Variants in GPR155 observed in about 807,000 individuals in gnomAD.
GPR155 encodes the protein lysosomal cholesterol signaling protein.
Under a neutral mutation model 93.1 loss-of-function variants are expected in GPR155, and 65 were observed. The observed-to-expected ratio is 0.70, with a 90% CI of 0.57 to 0.86. The LOEUF (loss-of-function observed/expected upper bound fraction) is 0.86, where lower values mean the gene tolerates loss of function less well. Ranked by LOEUF, GPR155 falls within the 40% of genes least tolerant of loss-of-function variation. GPR155 has a pLI of 0.00. For synonymous variants in GPR155, 319 were observed against 360.1 expected (o/e 0.89, Z 1.29); for missense variants, 838 against 1,034.8 (o/e 0.81, Z 2.61).
intron 15 of GPR155, among the ~76,000 whole-genome samples, chr2:174,439,567 A>G (rs768471103): frequency 8.5e-5 from 13 of 152,152 alleles, no homozygotes; most frequent in Non-Finnish European, 1.8e-4. Context: ...ATGTATCTCA[A>G]AGTTTTGTGA....
At chr2:174,459,742 G>C in intron 10 of GPR155, 136 bp downstream of exon 10, 1 of 615,578 alleles carries the variant, frequency 1.6e-6, no homozygotes, top group Non-Finnish European at 2.8e-6. Context: ...CTACTCTGGA[G>C]GCTCAGGTGG....
Position 174,436,312 on chromosome 2 carries a change from C to T in GPR155, c.2417G>A (p.Gly806Glu). ...GACTCCCCCTTGTACCAGCCTGTCT[C>T]CGTATATCACAGCTTCACCACGGTC... Reference protein sequence around the residue: ...ASDRGEAVIYGDRLVQGGVIQ... With the variant: ...ASDRGEAVIYEDRLVQGGVIQ... The change falls in exon 16 of 16, where the codon GGA becomes GAA. Residue 806 changes from glycine to glutamate, a missense_variant. Around this residue, in one of 3 missense-constraint regions of GPR155, gnomAD observed 146 missense variants for 177.5 expected, o/e 0.82. Coordinates refer to ENST00000392552, the MANE Select transcript of GPR155 (RefSeq NM_152529.7). 1 of 1,614,146 alleles carries T rather than the reference C, an allele frequency of 6.2e-7. No individual in the cohort carries two copies.
At position 174,473,116 on chromosome 2, in the gene GPR155, C is replaced by G. The variant is rs766287599; in HGVS notation, c.709G>C (p.Val237Leu). The G allele has an allele frequency of 6.2e-7, 1 of 1,610,666 alleles. No homozygotes were observed. The highest frequency in any genetic ancestry group is 1.3e-5 in the African/African-American group (1 of 74,526). Residue 237 changes from valine (V) to leucine (L), a missense_variant, in exon 3 of 16, where the codon GTA becomes CTA. This residue lies in a region of GPR155 where 663 missense variants were observed against 790.1 expected (regional missense o/e 0.84). Coordinates refer to ENST00000392552, the MANE Select transcript of GPR155 (RefSeq NM_152529.7). ...AGAAAATTTTCGACATATACAGGTA[C>G]CTTTCGATCAAGAATAAAATTGAAG... is the stretch of plus-strand genomic sequence containing the variant. ...IAFNFILDRKVPVYVENFLDG... is the reference protein window; with the variant it reads ...IAFNFILDRKLPVYVENFLDG...
Position 174,437,247 on chromosome 2 carries a change from A to G in GPR155, c.2313-831T>C, listed in dbSNP as rs1402504934. ...ATGAATCTGTCCACAAGCATCATTC[A>G]GGCTACAAAACCTAAAGTGCTTGAC... On this transcript the variant is annotated intron_variant, in intron 15 of 15. Coordinates refer to ENST00000392552, the MANE Select transcript of GPR155 (RefSeq NM_152529.7). 2.0e-5 allele frequency among the ~76,000 whole-genome samples: 3 copies of G among 152,332 alleles called. No individual in the cohort carries two copies. In the East Asian group the frequency reaches 5.8e-4, roughly 29 times the overall value.
chr2:174,481,546 G>A lies in GPR155; in HGVS notation c.411C>T (p.Phe137=). The A allele has an allele frequency of 6.2e-7, 1 of 1,612,290 alleles. No homozygotes were observed. Among genetic ancestry groups the A allele is most frequent in the Non-Finnish European group, 8.5e-7 (1 of 1,179,566 alleles). Residue 137 remains phenylalanine, a synonymous_variant, in exon 2 of 16, where the codon TTC becomes TTT. Coordinates refer to ENST00000392552, the MANE Select transcript of GPR155 (RefSeq NM_152529.7). ...CATTACTTTGTGTAGCAAAAATAGG[G>A]AATAGTCCAGCTTTGCTAAATCGAC... ...PDSRFSKAGL[F]PIFATQSNDF...
rs929939976 is a variant in GPR155 at position 174,435,207 on chromosome 2, C to T, written c.*909G>A. On this transcript the variant is annotated 3_prime_UTR_variant, in exon 16 of 16. Transcript: ENST00000392552. The stretch of plus-strand genomic sequence containing the variant: ...TATTATTTATAGTACAGTTGACCCT[C>T]CATATGCACAGGTTCCACATCCATA... 5 of 152,134 alleles carry T rather than the reference C, an allele frequency of 3.3e-5. No homozygotes were observed. The highest frequency in any genetic ancestry group is 1.2e-4 in the African/African-American group (5 of 41,420). 9.4% of individuals were successfully genotyped at this position (152,134 alleles called of 1,614,324 possible).
chr2:174,467,281 C>G (rs971768036), intron 5 of GPR155, among the ~76,000 whole-genome samples: 2 of 152,248 alleles, frequency 1.3e-5, no homozygotes, highest in African/African-American at 2.4e-5. Context: ...AGGCGGATCA[C>G]TTGAGGTTAA....
intron 11 of GPR155, among the ~76,000 whole-genome samples, chr2:174,448,434 C>T (rs1430186653): frequency 6.6e-6 from 1 of 151,858 alleles, no homozygotes; most frequent in African/African-American, 2.4e-5. Context: ...AAACACCATT[C>T]TGGACATCGA....
intron 2 of GPR155, among the ~76,000 whole-genome samples, chr2:174,480,923 C>G (rs1442089728): frequency 6.6e-6 from 1 of 151,936 alleles, no homozygotes; most frequent in Non-Finnish European, 1.5e-5. Flanking sequence ...CCTTGTGCCA[C>G]CACAGCTGAC....
rs554182725 is a variant in GPR155 at position 174,467,158 on chromosome 2, AAAAACAAAAC to A, written c.1183-541_1183-532del. Reference sequence around the variant, plus strand: ...GGTGACAGAGCAAGACTCCATCTCAAAAAACAAAACAAAACAAAACAAAACAAAACAAAGC... The same window carrying A: ...GGTGACAGAGCAAGACTCCATCTCAAAAAACAAAACAAAACAAAACAAAGC... On this transcript the variant is annotated intron_variant, in intron 5 of 15. Transcript: ENST00000392552. Among the ~76,000 whole-genome samples, 139 of 151,860 alleles carry A rather than the reference AAAAACAAAAC, an allele frequency of 9.2e-4. 1 individual carries two copies. The highest frequency in any genetic ancestry group is 2.8e-3 in the African/African-American group (117 of 41,302).
chr2:174,451,320 A>G (rs112214426), intron 11 of GPR155, among the ~76,000 whole-genome samples: 6,728 of 105,606 alleles, frequency 0.064, 479 homozygotes, highest in African/African-American at 0.18. Flanking sequence ...TCTCAAAAAA[A>G]AAAAAATTTT....
intron 14 of GPR155, among the ~76,000 whole-genome samples, chr2:174,440,933 T>G (rs10930667): frequency 0.27 from 40,610 of 152,106 alleles, 6,188 homozygotes; most frequent in Middle Eastern, 0.54. Flanking sequence ...GAAATTGTGT[T>G]GTCAAAGGAG....
chr2:174,436,016 A>T lies in GPR155; in HGVS notation c.*100T>A. On this transcript the variant is annotated 3_prime_UTR_variant, in exon 16 of 16. Transcript: ENST00000392552. ...TTTACAGAAGAGACAACTGAGGCTCAGAGAGGTTGCCTCTGTTAACTTGCC... is the reference window on the plus strand; with the variant it reads ...TTTACAGAAGAGACAACTGAGGCTCTGAGAGGTTGCCTCTGTTAACTTGCC... 1.2e-6 allele frequency: 1 copy of T among 859,188 alleles called. No individual in the cohort carries two copies. 53.2% of individuals were successfully genotyped at this position (859,188 alleles called of 1,614,324 possible). A position where few individuals can be genotyped will look rare whatever the true frequency, so the allele number is the denominator to read the frequency against.
intron 2 of GPR155, among the ~76,000 whole-genome samples, chr2:174,474,615 T>C (rs539320958): frequency 7.9e-5 from 12 of 152,208 alleles, no homozygotes; most frequent in African/African-American, 2.9e-4. Flanking sequence ...GTTAGACTTA[T>C]GAAAAATGGT....
At chr2:174,479,179 T>A (rs1324717903) in intron 2 of GPR155, among the ~76,000 whole-genome samples, 4 of 152,194 alleles carry the variant, frequency 2.6e-5, no homozygotes, top group Non-Finnish European at 1.5e-5. Context: ...TGACTTAATG[T>A]GGGACATAAG....
chr2:174,453,715 C>T (rs1279693280), intron 11 of GPR155, 22 bp downstream of exon 11: 1 of 1,181,446 alleles, frequency 8.5e-7, no homozygotes, highest in Non-Finnish European at 1.3e-6. Context: ...TAATCCCATC[C>T]TCATAGTCCA....
chr2:174,459,697 T>G (rs1238585569), intron 10 of GPR155, among the ~76,000 whole-genome samples, 181 bp downstream of exon 10: 1 of 151,990 alleles, frequency 6.6e-6, no homozygotes, highest in East Asian at 1.9e-4. Flanking sequence ...ATACAAAAAT[T>G]AGCAGGGCAT....
At chr2:174,455,062 G>T (rs1210099825) in intron 10 of GPR155, among the ~76,000 whole-genome samples, 1 of 152,112 alleles carries the variant, frequency 6.6e-6, no homozygotes, top group Non-Finnish European at 1.5e-5. Context: ...AGAGGATTTT[G>T]TATGTTCCTA....
In GPR155 at chr2:174,445,125, A is replaced by G; in HGVS notation, c.2065T>C (p.Tyr689His). 6.2e-7 allele frequency: 1 copy of G among 1,603,540 alleles called. No individual in the cohort carries two copies. Among genetic ancestry groups the G allele is most frequent in the Non-Finnish European group, 8.5e-7 (1 of 1,170,414 alleles). ...WLFNQEPGRL[Y>H]VELQFFCAVF... Reference sequence around the variant, plus strand: ...GCACAGAAAAACTGTAACTCAACATAAAGTCTTCCAGGCTCTTGGTTGAAT... The same window carrying G: ...GCACAGAAAAACTGTAACTCAACATGAAGTCTTCCAGGCTCTTGGTTGAAT... The change falls in exon 13 of 16, where the codon TAT (tyrosine) becomes CAT (histidine). Residue 689 changes from tyrosine (Y) to histidine (H), a missense_variant. Tyr to His is a moderately conservative substitution (Grantham distance 83). Around this residue, in one of 3 missense-constraint regions of GPR155, gnomAD observed 29 missense variants for 67.1 expected, o/e 0.43. Transcript: ENST00000392552.
Sources: allele counts gnomAD v4.1 joint callset (sites outside exome capture counted in the v4.1 genomes callset), GRCh38; gene constraint gnomAD v4.1.1; regional missense constraint gnomAD v4.1.1; transcripts MANE v1.5; gene names NCBI Gene and HGNC (gene_info 2026-07-23, HGNC 2026-07-21).